TC2N: variants seen among roughly 807,000 people sequenced by gnomAD.
TC2N encodes the protein tandem C2 domains, nuclear.
Under a neutral mutation model 61.9 loss-of-function variants are expected in TC2N, and 51 were observed. The observed-to-expected ratio is 0.82, with a 90% CI of 0.66 to 1.04. TC2N has a LOEUF of 1.04. TC2N is among the 50% of genes least tolerant of loss of function. TC2N has a pLI of 0.00. For missense variants in TC2N, 556 were observed against 566.7 expected, an observed-to-expected ratio of 0.98 and a Z score of 0.19; for synonymous variants, 204 against 192.6, an observed-to-expected ratio of 1.06 and a Z score of -0.49.
chr14:91,827,138 T>G (rs1887535506), intron 1 of TC2N, among the ~76,000 whole-genome samples: 1 of 152,250 alleles, frequency 6.6e-6, no homozygotes, highest in Admixed American at 6.5e-5. Flanking sequence ...CTACTTGTTC[T>G]CTGTTTCTTT....
chr14:91,825,508 T>C (rs1887458174), intron 1 of TC2N, among the ~76,000 whole-genome samples: 1 of 152,196 alleles, frequency 6.6e-6, no homozygotes, highest in Admixed American at 6.5e-5. Context: ...TATCTCTCTA[T>C]CACTTTCAGG....
At chr14:91,857,020 C>T (rs1400070543) in intron 1 of TC2N, among the ~76,000 whole-genome samples, 1 of 152,136 alleles carries the variant, frequency 6.6e-6, no homozygotes, top group East Asian at 1.9e-4. Flanking sequence ...GAGCGCTAGA[C>T]CAAGAGGTAG....
chr14:91,788,546 A>G (rs1885474764), intron 9 of TC2N, among the ~76,000 whole-genome samples: 1 of 152,184 alleles, frequency 6.6e-6, no homozygotes, highest in Admixed American at 6.5e-5. Flanking sequence ...AAGTTACAGA[A>G]CAACTGAATG....
In TC2N at chr14:91,812,360, T is replaced by C; in HGVS notation, c.253A>G (p.Ile85Val). The change falls in exon 3 of 12, where the codon ATT becomes GTT. Residue 85 changes from isoleucine to valine, a missense_variant. Physicochemically the swap from Ile to Val is conservative, Grantham distance 29. Transcript: ENST00000435962. Reference protein sequence around the residue: ...FVVPKFKLSYIQPRTQETPSH... With the variant: ...FVVPKFKLSYVQPRTQETPSH... ...GGAGTTTCTTGTGTCCTGGGTTGAA[T>C]GTAAGATAACTTAAACTTGGGCACC... 6.2e-7 allele frequency: 1 copy of C among 1,612,672 alleles called. No homozygotes were observed.
chr14:91,839,117 C>G (rs1164914716), intron 1 of TC2N, among the ~76,000 whole-genome samples: 1 of 152,190 alleles, frequency 6.6e-6, no homozygotes, highest in Non-Finnish European at 1.5e-5. Flanking sequence ...AATTCCTACT[C>G]TAAACCCCTA....
chr14:91,846,152 A>G (rs2139914133), intron 1 of TC2N, among the ~76,000 whole-genome samples: 1 of 152,230 alleles, frequency 6.6e-6, no homozygotes, highest in African/African-American at 2.4e-5. Flanking sequence ...TTCTTTCATA[A>G]GACTGTCACA....
At chr14:91,820,689 C>T (rs1887205739) in intron 1 of TC2N, among the ~76,000 whole-genome samples, 1 of 140,110 alleles carries the variant, frequency 7.1e-6, no homozygotes, top group African/African-American at 2.6e-5. Flanking sequence ...TCACAGACAA[C>T]AAGATCTTGT....
At chr14:91,850,151 C>G (rs569182176) in intron 1 of TC2N, among the ~76,000 whole-genome samples, 2 of 148,828 alleles carry the variant, frequency 1.3e-5, no homozygotes, top group South Asian at 4.3e-4. Flanking sequence ...GGTGACAGTG[C>G]AAGAGCCTCC....
intron 9 of TC2N, among the ~76,000 whole-genome samples, chr14:91,791,639 T>C (rs80240758): frequency 0.019 from 2,859 of 152,284 alleles, 88 homozygotes; most frequent in African/African-American, 0.065. Flanking sequence ...TGAGCTGCTG[T>C]ATAGCTTACT....
At chr14:91,864,304 C>T (rs908530268) in intron 1 of TC2N, among the ~76,000 whole-genome samples, 5 of 152,148 alleles carry the variant, frequency 3.3e-5, no homozygotes, top group African/African-American at 4.8e-5. Flanking sequence ...CTCAAGATTT[C>T]GCTTTATTTC....
At chr14:91,800,155 T>A in intron 5 of TC2N, 126 bp downstream of exon 5, 1 of 464,218 alleles carries the variant, frequency 2.2e-6, no homozygotes, top group African/African-American at 2.0e-5. Flanking sequence ...TATTTATTCT[T>A]CAGATATCAG....
intron 1 of TC2N, among the ~76,000 whole-genome samples, chr14:91,831,424 G>A (rs965679419): frequency 6.6e-6 from 1 of 152,154 alleles, no homozygotes; most frequent in Non-Finnish European, 1.5e-5. Context: ...ACATTAATTT[G>A]AGGAGCAGTC....
intron 1 of TC2N, among the ~76,000 whole-genome samples, chr14:91,844,937 T>C (rs1781847379): frequency 6.6e-6 from 1 of 152,126 alleles, no homozygotes; most frequent in African/African-American, 2.4e-5. Context: ...TCCATATAAG[T>C]AAGTGTGTAT....
chr14:91,794,327 C>T (rs1337405420), intron 8 of TC2N, among the ~76,000 whole-genome samples: 1 of 152,130 alleles, frequency 6.6e-6, no homozygotes, highest in Non-Finnish European at 1.5e-5. Context: ...TGGCTACATT[C>T]AACAACAGAT....
intron 1 of TC2N, among the ~76,000 whole-genome samples, chr14:91,840,665 G>A (rs761611814): frequency 1.3e-5 from 2 of 152,128 alleles, no homozygotes; most frequent in Non-Finnish European, 2.9e-5. Flanking sequence ...CAGGAAAAGA[G>A]AAAAATAAAA....
rs1334845390 is a variant in TC2N at position 91,785,271 on chromosome 14, T to C, written c.1253A>G (p.Lys418Arg). 1 of 1,613,446 alleles carries C rather than the reference T, an allele frequency of 6.2e-7. No individual in the cohort carries two copies. Among genetic ancestry groups the C allele is most frequent in the Non-Finnish European group, 8.5e-7 (1 of 1,179,502 alleles). The change falls in exon 11 of 12, where the codon AAG becomes AGG. Residue 418 changes from lysine to arginine, a missense_variant. By Grantham distance (26) the Lys-to-Arg change is conservative (BLOSUM62 2). Transcript: ENST00000435962. ...RLLKASNGRV[K>R]WGETMIFPLI... ...TGGAAAAATCATAGTCTCTCCCCAC[T>C]TGACTCTTCCATTGGAGGCCTTCAG...
intron 1 of TC2N, among the ~76,000 whole-genome samples, chr14:91,860,345 A>G (rs1279707505): frequency 1.3e-5 from 2 of 152,026 alleles, no homozygotes; most frequent in South Asian, 4.2e-4. Context: ...AAAAAAAAAA[A>G]AGTTGGATTA....
At chr14:91,839,047 G>A (rs1207276577) in intron 1 of TC2N, among the ~76,000 whole-genome samples, 4 of 152,136 alleles carry the variant, frequency 2.6e-5, no homozygotes, top group South Asian at 4.1e-4. Flanking sequence ...TATGGATAAC[G>A]TGGCTGCTTA....
intron 1 of TC2N, among the ~76,000 whole-genome samples, chr14:91,822,682 A>G (rs983605902): frequency 2.6e-5 from 4 of 151,774 alleles, no homozygotes; most frequent in African/African-American, 7.3e-5. Context: ...GGGCAGGAGG[A>G]AACTTTGGAG....
Sources: allele counts gnomAD v4.1 joint callset (sites outside exome capture counted in the v4.1 genomes callset), GRCh38; gene constraint gnomAD v4.1.1; transcripts MANE v1.5; gene names NCBI Gene and HGNC (gene_info 2026-07-23, HGNC 2026-07-21).